Variants in LRRC4C observed in about 807,000 individuals in gnomAD.
The protein encoded by LRRC4C is leucine rich repeat containing 4C, also known as leucine-rich repeat-containing protein 4C.
LRRC4C carries 5 observed loss-of-function variants against 33.6 expected under a neutral mutation model. That is an observed-to-expected ratio of 0.15 (90% CI 0.08 to 0.31). The LOEUF is 0.31. Ranked by LOEUF, LRRC4C falls within the 10% of genes least tolerant of loss-of-function variation. LRRC4C has a pLI of 1.00. For synonymous variants in LRRC4C, 329 were observed against 302.0 expected, an observed-to-expected ratio of 1.09 and a Z score of -0.93; for missense variants, 560 against 796.7, an observed-to-expected ratio of 0.70 and a Z score of 3.58.
chr11:40,956,067 G>C (rs1958941678), intron 1 of LRRC4C, among the ~76,000 whole-genome samples: 1 of 151,736 alleles, frequency 6.6e-6, no homozygotes, highest in African/African-American at 2.4e-5. Flanking sequence ...CTTACAAAGG[G>C]CCATATTGTA....
chr11:40,137,858 C>A (rs1857089281), intron 6 of LRRC4C, among the ~76,000 whole-genome samples: 1 of 152,072 alleles, frequency 6.6e-6, no homozygotes, highest in African/African-American at 2.4e-5. Context: ...ATTAGATAGA[C>A]TTTGGGGATC....
chr11:41,178,222 T>A (rs1945287957), intron 1 of LRRC4C, among the ~76,000 whole-genome samples: 1 of 152,212 alleles, frequency 6.6e-6, no homozygotes, highest in Non-Finnish European at 1.5e-5. Context: ...ATTCAAATAT[T>A]CTTTGATAAT....
intron 6 of LRRC4C, among the ~76,000 whole-genome samples, chr11:40,123,793 CA>C (rs1252402299): frequency 6.6e-6 from 1 of 151,994 alleles, no homozygotes; most frequent in Non-Finnish European, 1.5e-5. Flanking sequence ...CTATCCTGAA[CA>C]AAAAGAACAA....
At chr11:40,722,891 A>G (rs1377783768) in intron 2 of LRRC4C, among the ~76,000 whole-genome samples, 2 of 152,174 alleles carry the variant, frequency 1.3e-5, no homozygotes, top group South Asian at 2.1e-4. Context: ...TGGCATAGCT[A>G]TATTAAGAAA....
chr11:40,417,049 A>G (rs894331187), intron 3 of LRRC4C, among the ~76,000 whole-genome samples: 1 of 152,230 alleles, frequency 6.6e-6, no homozygotes, highest in East Asian at 1.9e-4. Context: ...TGAACAATAA[A>G]AAGTGAAAAA....
intron 1 of LRRC4C, among the ~76,000 whole-genome samples, chr11:41,396,729 T>G (rs1311365951): frequency 6.6e-6 from 1 of 151,960 alleles, no homozygotes; most frequent in Non-Finnish European, 1.5e-5. Flanking sequence ...GTTCCTAAAA[T>G]GACAAACACC....
chr11:40,945,531 T>C (rs1191239507), intron 1 of LRRC4C, among the ~76,000 whole-genome samples: 4 of 152,184 alleles, frequency 2.6e-5, no homozygotes, highest in African/African-American at 4.8e-5. Context: ...GTAGTATCCA[T>C]TGGAGTCCTT....
intron 3 of LRRC4C, among the ~76,000 whole-genome samples, chr11:40,348,559 T>C (rs2137063964): frequency 6.6e-6 from 1 of 152,238 alleles, no homozygotes; most frequent in African/African-American, 2.4e-5. Context: ...TATGGACTTA[T>C]TTTCGCTTGT....
chr11:40,329,537 C>G (rs1476605376), intron 3 of LRRC4C, among the ~76,000 whole-genome samples: 1 of 151,896 alleles, frequency 6.6e-6, no homozygotes, highest in Non-Finnish European at 1.5e-5. Flanking sequence ...TTGTGTACCT[C>G]GTGGTATAGA....
intron 2 of LRRC4C, among the ~76,000 whole-genome samples, chr11:40,921,533 A>G (rs545619818): frequency 6.3e-4 from 96 of 152,268 alleles, no homozygotes; most frequent in African/African-American, 2.2e-3. Flanking sequence ...TCCTCTTGAC[A>G]TCTTCAGTTT....
chr11:40,308,061 G>A (rs1243882640), intron 4 of LRRC4C, among the ~76,000 whole-genome samples: 2 of 152,200 alleles, frequency 1.3e-5, no homozygotes, highest in Non-Finnish European at 2.9e-5. Context: ...GGAGGTACAA[G>A]CAAATCTACA....
chr11:40,519,684 C>T (rs1955726971), intron 3 of LRRC4C, among the ~76,000 whole-genome samples: 1 of 152,138 alleles, frequency 6.6e-6, no homozygotes, highest in African/African-American at 2.4e-5. Context: ...CAATGGAAAA[C>T]TTTCTGGAAA....
At chr11:41,259,790 C>T (rs995360363) in intron 1 of LRRC4C, among the ~76,000 whole-genome samples, 10 of 151,910 alleles carry the variant, frequency 6.6e-5, no homozygotes, top group African/African-American at 2.4e-4. Flanking sequence ...ACTCTTCTTG[C>T]AAAGTGTAGT....
intron 2 of LRRC4C, among the ~76,000 whole-genome samples, chr11:40,660,759 T>C (rs978914018): frequency 3.4e-4 from 52 of 152,192 alleles, no homozygotes; most frequent in African/African-American, 1.2e-3. Flanking sequence ...TTCAATTTGA[T>C]AGTTTTGTGC....
chr11:40,716,765 T>C (rs1037132581), intron 2 of LRRC4C, among the ~76,000 whole-genome samples: 7 of 152,134 alleles, frequency 4.6e-5, no homozygotes, highest in Non-Finnish European at 1.0e-4. Context: ...CCATTACCCT[T>C]ATTATTCTAA....
At chr11:40,821,817 T>G (rs1183502503) in intron 2 of LRRC4C, among the ~76,000 whole-genome samples, 4 of 151,702 alleles carry the variant, frequency 2.6e-5, no homozygotes, top group Non-Finnish European at 4.4e-5. Context: ...AGGACATTAG[T>G]GTAAAACCTG....
intron 1 of LRRC4C, among the ~76,000 whole-genome samples, chr11:41,261,220 G>A (rs748084114): frequency 4.6e-5 from 7 of 152,016 alleles, no homozygotes; most frequent in Admixed American, 1.3e-4. Context: ...CTTTTCCACC[G>A]CAGCAACAAG....
At chr11:40,675,724 T>G (rs2136297737) in intron 2 of LRRC4C, among the ~76,000 whole-genome samples, 1 of 152,324 alleles carries the variant, frequency 6.6e-6, no homozygotes, top group South Asian at 2.1e-4. Context: ...ATTTACAGAA[T>G]AACATGTTCT....
chr11:40,437,875 T>C lies in LRRC4C; in HGVS notation c.-269-118154A>G, dbSNP rs180886902. On this transcript the variant is annotated intron_variant, in intron 3 of 6. Coordinates refer to ENST00000528697, the MANE Select transcript of LRRC4C (RefSeq NM_001258419.2). ...GGCACATGCCACCACGCCTGACTAA[T>C]TTTTGTATTTTTAGTAGAGATGGGG... 4.3e-4 allele frequency among the ~76,000 whole-genome samples: 66 copies of C among 152,266 alleles called. No individual in the cohort carries two copies. The East Asian group carries it at 0.012, about 28-fold the overall frequency.
Sources: gnomAD v4.1 joint callset for allele counts (sites outside exome capture counted in the v4.1 genomes callset) on GRCh38, gnomAD v4.1.1 for gene constraint, MANE v1.5 for transcripts, NCBI Gene and HGNC (gene_info 2026-07-23, HGNC 2026-07-21) for gene names.